The following TRABD2B variants were observed in gnomAD, a reference collection of about 807,000 sequenced individuals.
TRABD2B encodes metalloprotease TIKI2.
TRABD2B carries 14 observed loss-of-function variants against 40.1 expected under a neutral mutation model. That is an observed-to-expected ratio of 0.35 (90% CI 0.23 to 0.55). The LOEUF (loss-of-function observed/expected upper bound fraction) is 0.55, where lower values mean the gene tolerates loss of function less well. Among genes scored for constraint, TRABD2B ranks in the 20% least tolerant of loss-of-function variants. The probability of loss-of-function intolerance (pLI) is 0.90; values close to 1 mark genes in which losing one functional copy is unlikely to be tolerated. For missense variants in TRABD2B, 541 were observed against 648.6 expected (o/e 0.83, Z 1.80); for synonymous variants, 263 against 277.0 (o/e 0.95, Z 0.50).
At chr1:47,983,140 C>T (rs1327619119) in intron 2 of TRABD2B, among the ~76,000 whole-genome samples, 1 of 152,180 alleles carries the variant, frequency 6.6e-6, no homozygotes, top group Non-Finnish European at 1.5e-5. Context: ...CCATGGAATA[C>T]TAGGCAGCCA....
chr1:47,851,028 CGCTCACCT>C (rs201688097), intron 2 of TRABD2B, among the ~76,000 whole-genome samples: 5,474 of 152,162 alleles, frequency 0.036, 312 homozygotes, highest in African/African-American at 0.13. Context: ...TGGTAATGCT[CGCTCACCT>C]GCTCACCTCC....
chr1:47,996,796 A>G lies in TRABD2B; in HGVS notation c.-7T>C, dbSNP rs1249054933. The G allele has an allele frequency of 5.9e-6, 7 of 1,195,076 alleles. No individual in the cohort carries two copies. Among genetic ancestry groups the G allele is most frequent in the Non-Finnish European group, 6.2e-6 (6 of 964,090 alleles). 74.0% of individuals were successfully genotyped at this position (1,195,076 alleles called of 1,614,324 possible). ...CCGCCAGGGCGGCGTGCATCCTGCC[A>G]GGGCCCGCGGGGCGCGGGGGACCCT... On this transcript the variant is annotated 5_prime_UTR_variant, in exon 1 of 7. Transcript: ENST00000606738. The surrounding 1 kb of genome is among the most constrained non-coding windows in gnomAD (Gnocchi z 4.6).
intron 2 of TRABD2B, among the ~76,000 whole-genome samples, chr1:47,984,830 C>T (rs182937065): frequency 1.3e-3 from 189 of 150,644 alleles, no homozygotes; most frequent in African/African-American, 4.4e-3. Context: ...GCCACAGCCT[C>T]CCTCCTCCCA....
In TRABD2B at chr1:47,841,579, C is replaced by T. The variant is rs563358313; in HGVS notation, c.667-39960G>A. The stretch of plus-strand genomic sequence containing the variant: ...GATGGGGAGTTACACTGCCGAGGAG[C>T]TCCTGGTCTAGAGGAGCCCACAGCC... On this transcript the variant is annotated intron_variant, in intron 2 of 6. Coordinates refer to ENST00000606738, the MANE Select transcript of TRABD2B (RefSeq NM_001194986.2). Among the ~76,000 whole-genome samples, 22 of 152,240 alleles carry T rather than the reference C, an allele frequency of 1.4e-4. No individual in the cohort carries two copies. The South Asian group carries it at 4.6e-3, about 32-fold the overall frequency.
At chr1:47,924,643 G>A (rs1375931867) in intron 2 of TRABD2B, among the ~76,000 whole-genome samples, 1 of 152,106 alleles carries the variant, frequency 6.6e-6, no homozygotes, top group Non-Finnish European at 1.5e-5. Flanking sequence ...CTGGACAAAC[G>A]ACGTGGCATT....
intron 2 of TRABD2B, among the ~76,000 whole-genome samples, chr1:47,956,104 G>A (rs999039424): frequency 6.6e-6 from 1 of 152,136 alleles, no homozygotes; most frequent in Non-Finnish European, 1.5e-5. Context: ...TTGTTGCTCA[G>A]AACCACAACA....
intron 2 of TRABD2B, among the ~76,000 whole-genome samples, chr1:47,946,611 T>C (rs1645263539): frequency 1.3e-5 from 2 of 152,202 alleles, no homozygotes; most frequent in South Asian, 4.1e-4. Flanking sequence ...TTATCCTTTT[T>C]ATATTTTGCT....
chr1:47,779,675 C>CAT (rs1356675389), intron 4 of TRABD2B, among the ~76,000 whole-genome samples: 2 of 152,034 alleles, frequency 1.3e-5, no homozygotes, highest in African/African-American at 4.8e-5. Flanking sequence ...CCCCCACCTG[C>CAT]TCAATGTGGT....
chr1:47,933,564 T>G (rs1257127587), intron 2 of TRABD2B, among the ~76,000 whole-genome samples: 1 of 152,194 alleles, frequency 6.6e-6, no homozygotes, highest in Non-Finnish European at 1.5e-5. Context: ...TAGAATGCCA[T>G]TCTCCACTTT....
intron 2 of TRABD2B, among the ~76,000 whole-genome samples, chr1:47,990,767 G>T (rs1291116502): frequency 6.0e-5 from 4 of 66,606 alleles, no homozygotes; most frequent in African/African-American, 1.2e-4. Flanking sequence ...TTAAAACGTT[G>T]GTTTTATATA....
chr1:47,990,711 A>G (rs1430993410), intron 2 of TRABD2B, among the ~76,000 whole-genome samples: 1 of 144,298 alleles, frequency 6.9e-6, no homozygotes, highest in Non-Finnish European at 1.5e-5. Context: ...CATTGGATGG[A>G]TGGGCATACC....
chr1:47,771,104 A>G (rs1644372035), intron 6 of TRABD2B, among the ~76,000 whole-genome samples: 1 of 152,118 alleles, frequency 6.6e-6, no homozygotes, highest in African/African-American at 2.4e-5. Context: ...TCTGCCTCTA[A>G]TCTGATGGGG....
chr1:47,927,998 T>G (rs1011639997), intron 2 of TRABD2B, among the ~76,000 whole-genome samples: 1 of 152,218 alleles, frequency 6.6e-6, no homozygotes, highest in Non-Finnish European at 1.5e-5. Context: ...TCAGAAATGC[T>G]GACTCTTGGG....
chr1:47,855,712 T>A (rs1643883514), intron 2 of TRABD2B, among the ~76,000 whole-genome samples: 1 of 152,160 alleles, frequency 6.6e-6, no homozygotes, highest in Admixed American at 6.6e-5. Flanking sequence ...TGGGAGGTAA[T>A]CAGGTCATGA....
At chr1:47,948,562 G>A (rs1395485286) in intron 2 of TRABD2B, among the ~76,000 whole-genome samples, 1 of 152,014 alleles carries the variant, frequency 6.6e-6, no homozygotes, top group Non-Finnish European at 1.5e-5. Flanking sequence ...AACCCTTTAG[G>A]TTTAAAAAAT....
chr1:47,902,355 T>C (rs1023771047), intron 2 of TRABD2B, among the ~76,000 whole-genome samples: 1 of 151,998 alleles, frequency 6.6e-6, no homozygotes, highest in Non-Finnish European at 1.5e-5. Flanking sequence ...GTTCCCAGGG[T>C]GACTGCCAAG....
intron 2 of TRABD2B, among the ~76,000 whole-genome samples, chr1:47,810,160 G>A (rs1018712823): frequency 6.6e-5 from 10 of 151,834 alleles, no homozygotes; most frequent in South Asian, 4.2e-4. Flanking sequence ...GTGTGCGCGC[G>A]CGCGCGCGCA....
intron 2 of TRABD2B, among the ~76,000 whole-genome samples, chr1:47,954,042 C>T (rs1645383741): frequency 6.6e-6 from 1 of 152,188 alleles, no homozygotes; most frequent in African/African-American, 2.4e-5. Flanking sequence ...ACTATGTACC[C>T]AGTCATGGGA....
intron 2 of TRABD2B, among the ~76,000 whole-genome samples, chr1:47,897,522 G>T (rs1008332672): frequency 4.6e-5 from 7 of 152,190 alleles, no homozygotes; most frequent in African/African-American, 1.7e-4. Context: ...AAAGATGGAA[G>T]ATTTTTGATG....
Sources: gnomAD v4.1 joint callset for allele counts (sites outside exome capture counted in the v4.1 genomes callset) on GRCh38, gnomAD v4.1.1 for gene constraint, Gnocchi (gnomAD v3.1) non-coding constraint, MANE v1.5 for transcripts, NCBI Gene and HGNC (gene_info 2026-07-23, HGNC 2026-07-21) for gene names.